Variants in C9orf85 observed in about 807,000 individuals in gnomAD.
The protein encoded by C9orf85 is uncharacterized protein C9orf85.
In C9orf85, 16 loss-of-function variants were observed where a neutral mutation model predicts 14.9. That is an observed-to-expected ratio of 1.08 (90% CI 0.73 to 1.63). C9orf85 has a LOEUF of 1.63. Ranked by LOEUF, C9orf85 falls within the 40% of genes most tolerant of loss-of-function variation. C9orf85 has a pLI of 0.00. For synonymous variants in C9orf85, 45 were observed against 56.8 expected, an observed-to-expected ratio of 0.79 and a Z score of 0.93; for missense variants, 172 against 186.1, an observed-to-expected ratio of 0.92 and a Z score of 0.44.
intron 3 of C9orf85, among the ~76,000 whole-genome samples, chr9:71,980,427 G>C (rs1823077291): frequency 6.6e-6 from 1 of 152,118 alleles, no homozygotes; most frequent in African/African-American, 2.4e-5. Flanking sequence ...ATTGGCCCTG[G>C]GGAAATTGCC....
At chr9:71,928,824 C>A (rs933430384) in intron 1 of C9orf85, among the ~76,000 whole-genome samples, 4 of 152,126 alleles carry the variant, frequency 2.6e-5, no homozygotes, top group African/African-American at 9.7e-5. Context: ...AGGTAATTTG[C>A]ATTCTTCATT....
intron 1 of C9orf85, among the ~76,000 whole-genome samples, chr9:71,915,700 C>CTAT (rs1405401900): frequency 1.3e-5 from 2 of 152,182 alleles, no homozygotes; most frequent in Non-Finnish European, 2.9e-5. Context: ...TCACTGTTAA[C>CTAT]ACTTTGATGT....
downstream of C9orf85, among the ~76,000 whole-genome samples, chr9:71,974,407 GTAA>G (rs1822965469): frequency 6.6e-6 from 1 of 150,576 alleles, no homozygotes; most frequent in African/African-American, 2.4e-5. Flanking sequence ...CCACACCTGG[GTAA>G]TTTTTGTATT....
intron 1 of C9orf85, among the ~76,000 whole-genome samples, chr9:71,929,087 T>G (rs544335668): frequency 6.6e-6 from 1 of 152,286 alleles, no homozygotes; most frequent in South Asian, 2.1e-4. Context: ...GGCACCTATC[T>G]TTGAGGAAGT....
chr9:71,921,054 A>G (rs1464018085), intron 1 of C9orf85, among the ~76,000 whole-genome samples: 2 of 152,216 alleles, frequency 1.3e-5, no homozygotes. Context: ...TAAGACTAAC[A>G]AAATAGACTC....
chr9:71,925,998 T>C (rs1353671022), intron 1 of C9orf85, among the ~76,000 whole-genome samples: 4 of 152,226 alleles, frequency 2.6e-5, no homozygotes, highest in Non-Finnish European at 4.4e-5. Context: ...CAGAGCAGTA[T>C]ACCTGATCCC....
chr9:71,915,145 G>C (rs373145335), intron 1 of C9orf85, among the ~76,000 whole-genome samples: 60 of 151,620 alleles, frequency 4.0e-4, no homozygotes, highest in African/African-American at 1.4e-3. Flanking sequence ...TTTCCTCTGA[G>C]GATTGCTACA....
downstream of C9orf85, among the ~76,000 whole-genome samples, chr9:71,976,434 G>A (rs1207539516): frequency 6.6e-6 from 1 of 152,048 alleles, no homozygotes. Flanking sequence ...AGGCCGAGGC[G>A]GGTGGATCAC....
rs548817963 is a variant in C9orf85, at chr9:71,923,822, A to G, written c.102+11986A>G. On this transcript the variant is annotated intron_variant, in intron 1 of 3. Coordinates refer to ENST00000334731, the MANE Select transcript of C9orf85 (RefSeq NM_182505.5). ...GCCGCTCCACAACACCCTGGAGCCC[A>G]TCTTGCCTACCTAAGGATTTAATGT... Among the ~76,000 whole-genome samples, 5 of 152,302 alleles carry G rather than the reference A, an allele frequency of 3.3e-5. No individual in the cohort carries two copies. The East Asian group carries it at 9.6e-4, about 29-fold the overall frequency.
chr9:71,911,706 C>G lies in C9orf85; in HGVS notation c.-29C>G, dbSNP rs779547636. The G allele has an allele frequency of 2.2e-5, 36 of 1,601,116 alleles. No homozygotes were observed. In the Admixed American group the frequency reaches 5.5e-4, roughly 24 times the overall value. ...CTTTCCCCTCATCCTTTTGCCTGCT[C>G]CCGGCGAGGGGTGGCTTTGATTTCG... On this transcript the variant is annotated 5_prime_UTR_variant, in exon 1 of 4. Transcript: ENST00000334731.
intron 2 of C9orf85, among the ~76,000 whole-genome samples, chr9:71,969,209 C>T (rs745491638): frequency 4.6e-5 from 7 of 152,140 alleles, no homozygotes; most frequent in East Asian, 3.9e-4. Context: ...AGTGCAGTGG[C>T]GCAATCTTGG....
intron 1 of C9orf85, among the ~76,000 whole-genome samples, chr9:71,939,114 C>T (rs952112462): frequency 2.0e-5 from 3 of 151,318 alleles, no homozygotes; most frequent in Non-Finnish European, 3.0e-5. Flanking sequence ...TGTAAAGACT[C>T]GTTTTAGCTC....
chr9:71,913,621 AG>A (rs1827573200), intron 1 of C9orf85, among the ~76,000 whole-genome samples: 1 of 152,228 alleles, frequency 6.6e-6, no homozygotes, highest in South Asian at 2.1e-4. Flanking sequence ...AAAAATAAAA[AG>A]CTGCACTATT....
intron 1 of C9orf85, among the ~76,000 whole-genome samples, chr9:71,925,070 A>T (rs1827898695): frequency 6.6e-6 from 1 of 152,220 alleles, no homozygotes; most frequent in African/African-American, 2.4e-5. Flanking sequence ...TTAAAAAAAA[A>T]TTCCTGGCTT....
At chr9:71,934,906 T>C (rs911208400) in intron 1 of C9orf85, among the ~76,000 whole-genome samples, 25 of 152,072 alleles carry the variant, frequency 1.6e-4, no homozygotes, top group Non-Finnish European at 3.1e-4. Flanking sequence ...TATAATACTA[T>C]AACTATTACT....
At chr9:71,979,021 G>T (rs1269680901) in intron 3 of C9orf85, among the ~76,000 whole-genome samples, 2 of 151,762 alleles carry the variant, frequency 1.3e-5, no homozygotes, top group Non-Finnish European at 2.9e-5. Context: ...GCAACAGAGT[G>T]AGACTCCGTC....
chr9:71,929,226 C>T (rs1328536818), intron 1 of C9orf85, among the ~76,000 whole-genome samples: 2 of 152,138 alleles, frequency 1.3e-5, no homozygotes, highest in African/African-American at 4.8e-5. Flanking sequence ...AGACTTAACT[C>T]CATACATCCC....
intron 3 of C9orf85, among the ~76,000 whole-genome samples, chr9:71,981,394 T>C (rs1483364748): frequency 6.6e-6 from 1 of 152,210 alleles, no homozygotes; most frequent in Non-Finnish European, 1.5e-5. Flanking sequence ...TTCCCAGCTG[T>C]AAACTAATTG....
chr9:71,948,032 T>G (rs1564092221), intron 2 of C9orf85, among the ~76,000 whole-genome samples: 1 of 152,230 alleles, frequency 6.6e-6, no homozygotes, highest in Non-Finnish European at 1.5e-5. Flanking sequence ...CTCAGCTGTG[T>G]AAGGACAATA....
Sources: allele counts gnomAD v4.1 joint callset (sites outside exome capture counted in the v4.1 genomes callset), GRCh38; gene constraint gnomAD v4.1.1; transcripts MANE v1.5; gene names NCBI Gene and HGNC (gene_info 2026-07-23, HGNC 2026-07-21).